The following SIGMAR1 variants were observed in gnomAD, a reference collection of about 807,000 sequenced individuals.
SIGMAR1 encodes sigma non-opioid intracellular receptor 1.
Under a neutral mutation model 25.4 loss-of-function variants are expected in SIGMAR1, and 18 were observed. That is an observed-to-expected ratio of 0.71 (90% CI 0.49 to 1.05). The LOEUF (loss-of-function observed/expected upper bound fraction) is 1.05, where lower values mean the gene tolerates loss of function less well. Among genes scored for constraint, SIGMAR1 ranks in the 50% least tolerant of loss-of-function variants. The pLI is 0.00. For missense variants in SIGMAR1, 249 were observed against 301.6 expected (o/e 0.83, Z 1.29); for synonymous variants, 125 against 131.6 (o/e 0.95, Z 0.34).
rs1301031067 is a variant in SIGMAR1, at chr9:34,635,638, G to T, written c.666C>A (p.Asp222Glu). 1.9e-6 allele frequency: 3 copies of T among 1,614,184 alleles called. No homozygotes were observed. Among genetic ancestry groups the T allele is most frequent in the Non-Finnish European group, 8.5e-7 (1 of 1,179,994 alleles). The change falls in exon 4 of 4, where the codon GAC becomes GAA. Residue 222 changes from aspartate to glutamate, a missense_variant. Asp to Glu is a conservative substitution (Grantham distance 45, BLOSUM62 2). Transcript: ENST00000277010. The surrounding 1 kb of genome is among the most constrained non-coding windows in gnomAD (Gnocchi z 4.5). ...LELTTYLFGQ[D>E]P ...TTCCTTCAGGCCTGGCTGGTCAAGG[G>T]TCCTGGCCAAAGAGGTAGGTGGTGA... is the stretch of plus-strand genomic sequence containing the variant.
chr9:34,636,751 G>C (rs954726334), intron 3 of SIGMAR1: 1 of 584,524 alleles, frequency 1.7e-6, no homozygotes, highest in Admixed American at 2.9e-5. Flanking sequence ...GCAAAATTGT[G>C]CCTGGGCAGA....
Position 34,635,906 on chromosome 9 carries a change from T to C in SIGMAR1, c.446-48A>G. 1 of 1,610,600 alleles carries C rather than the reference T, an allele frequency of 6.2e-7. No individual in the cohort carries two copies. The highest frequency in any genetic ancestry group is 1.3e-5 in the African/African-American group (1 of 74,948). ...GTGAAAAGCCAGCTCTGCCCTGCCC[T>C]TCCATGGCTGCTGCTTCCCTGGCCC... On this transcript the variant is annotated intron_variant, in intron 3 of 3. Transcript: ENST00000277010. The surrounding 1 kb of genome is among the most constrained non-coding windows in gnomAD (Gnocchi z 4.5).
At chr9:34,637,146 C>A (rs1820897946) in intron 2 of SIGMAR1, 57 bp from the exon 3 acceptor site, 57 of 1,605,350 alleles carry the variant, frequency 3.6e-5, no homozygotes, top group Non-Finnish European at 4.8e-5. Flanking sequence ...CATGGCCCAG[C>A]CAAACATCAG....
At chr9:34,636,313 A>G (rs1240417158) in intron 3 of SIGMAR1, among the ~76,000 whole-genome samples, 3 of 115,392 alleles carry the variant, frequency 2.6e-5, no homozygotes, top group African/African-American at 1.1e-4. Context: ...AAATTGTTTC[A>G]CTATTAAAAA....
In SIGMAR1 at chr9:34,637,274, G is replaced by C. The variant is rs1278952640; in HGVS notation, c.298C>G (p.Leu100Val). ...MGAMCLLHAS[L>V]SEYVLLFGTA... The stretch of plus-strand genomic sequence containing the variant: ...CCGAAGAGCAGCACATACTCGGACA[G>C]CGAGGCGTGCAGAAGGCACATGGCG... Residue 100 changes from leucine to valine, a missense_variant, in exon 2 of 4, where the codon CTG becomes GTG. By Grantham distance (32) the Leu-to-Val change is conservative. Transcript: ENST00000277010. 12 of 1,576,064 alleles carry C rather than the reference G, an allele frequency of 7.6e-6. No homozygotes were observed. The highest frequency in any genetic ancestry group is 9.4e-6 in the Non-Finnish European group (11 of 1,165,298).
At position 34,635,396 on chromosome 9, in the gene SIGMAR1, T is replaced by C. The variant is rs1185007219; in HGVS notation, c.*236A>G. 3.4e-6 allele frequency: 2 copies of C among 589,484 alleles called. No individual in the cohort carries two copies. The highest frequency in any genetic ancestry group is 6.0e-6 in the Non-Finnish European group (2 of 335,756). 36.5% of individuals were successfully genotyped at this position (589,484 alleles called of 1,614,324 possible). On this transcript the variant is annotated 3_prime_UTR_variant, in exon 4 of 4. Coordinates refer to ENST00000277010, the MANE Select transcript of SIGMAR1 (RefSeq NM_005866.4). The surrounding 1 kb of genome is among the most constrained non-coding windows in gnomAD (Gnocchi z 4.5). ...GTATACCGGGGGCTCCCTCTCCAGA[T>C]GGGTGTGAGTGCATGGTCCTACTGT...
chr9:34,637,299 G>A lies in SIGMAR1; in HGVS notation c.273C>T (p.Gly91=). Residue 91 remains glycine, a synonymous_variant, in exon 2 of 4, where the codon GGC becomes GGT. Coordinates refer to ENST00000277010, the MANE Select transcript of SIGMAR1 (RefSeq NM_005866.4). ...WVFVNAGGWM[G]AMCLLHASLS... is the part of the protein sequence containing the mutation. Reference sequence around the variant, plus strand: ...GCGAGGCGTGCAGAAGGCACATGGCGCCCATCCAGCCACCCGCATTCACGA... The same window carrying A: ...GCGAGGCGTGCAGAAGGCACATGGCACCCATCCAGCCACCCGCATTCACGA... The A allele has an allele frequency of 6.3e-7, 1 of 1,591,910 alleles. No homozygotes were observed.
At position 34,637,647 on chromosome 9, in the gene SIGMAR1, A is replaced by C. The variant is rs2132330741; in HGVS notation, c.51T>G (p.Ala17=). The C allele has an allele frequency of 1.3e-6, 2 of 1,536,290 alleles. No individual in the cohort carries two copies. The highest frequency in any genetic ancestry group is 1.7e-6 in the Non-Finnish European group (2 of 1,146,270). ...RRWAWAALLL[A]VAAVLTQVVW... ...CGACCTGGGTCAGCACCGCTGCGAC[A>C]GCCAGGAGCAGCGCGGCCCACGCCC... Residue 17 remains alanine, a synonymous_variant, in exon 1 of 4, where the codon GCT becomes GCG. Transcript: ENST00000277010.
chr9:34,636,485 A>T (rs1457332196), intron 3 of SIGMAR1, among the ~76,000 whole-genome samples: 6 of 152,068 alleles, frequency 3.9e-5, no homozygotes, highest in Non-Finnish European at 8.8e-5. Flanking sequence ...TACAAAAAAA[A>T]TTAGCCGGGC....
chr9:34,635,661 T>C lies in SIGMAR1; in HGVS notation c.643A>G (p.Thr215Ala). ...SYARGLRLELTTYLFGQDP is the reference protein window; with the variant it reads ...SYARGLRLELATYLFGQDP ...GGGTCCTGGCCAAAGAGGTAGGTGG[T>C]GAGCTCAAGCCGGAGGCCCCGAGCA... The change falls in exon 4 of 4, where the codon ACC becomes GCC. Residue 215 changes from threonine (T) to alanine (A), a missense_variant. By Grantham distance (58) the Thr-to-Ala change is moderately conservative. Coordinates refer to ENST00000277010, the MANE Select transcript of SIGMAR1 (RefSeq NM_005866.4). The surrounding 1 kb of genome is among the most constrained non-coding windows in gnomAD (Gnocchi z 4.5). The C allele has an allele frequency of 6.2e-7, 1 of 1,614,154 alleles. No homozygotes were observed. The highest frequency in any genetic ancestry group is 1.3e-5 in the African/African-American group (1 of 75,060).
At position 34,637,176 on chromosome 9, in the gene SIGMAR1, T is replaced by C. The variant is rs376413556; in HGVS notation, c.352+44A>G. ...CATCAGAAAGGAGGGCATGGGCCCC[T>C]TTACAACCCCAGCCTCCCAGTCTGG... On this transcript the variant is annotated intron_variant, in intron 2 of 3. Coordinates refer to ENST00000277010, the MANE Select transcript of SIGMAR1 (RefSeq NM_005866.4). The C allele has an allele frequency of 2.5e-4, 392 of 1,566,374 alleles. 1 individual carries two copies. In the African/African-American group the frequency reaches 4.8e-3, roughly 19 times the overall value.
In SIGMAR1 at chr9:34,635,781, G is replaced by T. The variant is rs780073328; in HGVS notation, c.523C>A (p.Arg175=). The change falls in exon 4 of 4, where the codon CGG becomes AGG. Residue 175 remains arginine, a synonymous_variant. Coordinates refer to ENST00000277010, the MANE Select transcript of SIGMAR1 (RefSeq NM_005866.4). The surrounding 1 kb of genome is among the most constrained non-coding windows in gnomAD (Gnocchi z 4.5). ...GPNTWMVEYG[R]GVIPSTLAFA... ...GCCAGGGTGGATGGGATGACGCCCCGGCCGTACTCCACCATCCATGTGTTT... is the reference window on the plus strand; with the variant it reads ...GCCAGGGTGGATGGGATGACGCCCCTGCCGTACTCCACCATCCATGTGTTT... 6.2e-7 allele frequency: 1 copy of T among 1,614,058 alleles called. No homozygotes were observed. The highest frequency in any genetic ancestry group is 1.7e-5 in the Admixed American group (1 of 60,002).
chr9:34,635,734 GAC>G lies in SIGMAR1; in HGVS notation c.568_569del (p.Val190LeufsTer23). On this transcript the variant is annotated frameshift_variant, in exon 4 of 4. Transcript: ENST00000277010. LOFTEE classifies it high-confidence loss of function. The surrounding 1 kb of genome is among the most constrained non-coding windows in gnomAD (Gnocchi z 4.5). ...GGGTGAGGAAGTCCTGGGTGCTGAA[GAC>G]AGTGTCGGCCAGCGCGAAGGCCAGG... is the stretch of plus-strand genomic sequence containing the variant. The part of the protein sequence containing the change: ...STLAFALADT[V>X]FSTQDFLTLF... 1 of 1,614,246 alleles carries G rather than the reference GAC, an allele frequency of 6.2e-7. No homozygotes were observed. The highest frequency in any genetic ancestry group is 8.5e-7 in the Non-Finnish European group (1 of 1,180,036).
rs1820891858 is a variant in SIGMAR1 at position 34,637,032 on chromosome 9, C to G, written c.410G>C (p.Arg137Thr). ...GACCTCACTTTTGGTGGTGCCCTCT[C>G]TCCACTGGTGGAAGGTGCCAGAGAT... ...TIISGTFHQW[R>T]EGTTKSEVFY... Residue 137 changes from arginine to threonine, a missense_variant, in exon 3 of 4, where the codon AGA (arginine) becomes ACA (threonine). By Grantham distance (71) the Arg-to-Thr change is moderately conservative. Coordinates refer to ENST00000277010, the MANE Select transcript of SIGMAR1 (RefSeq NM_005866.4). The G allele has an allele frequency of 1.2e-6, 2 of 1,614,082 alleles. No homozygotes were observed. Among genetic ancestry groups the G allele is most frequent in the Non-Finnish European group, 8.5e-7 (1 of 1,180,052 alleles).
At chr9:34,636,583 C>T (rs1820872489) in intron 3 of SIGMAR1, among the ~76,000 whole-genome samples, 1 of 152,106 alleles carries the variant, frequency 6.6e-6, no homozygotes, top group Non-Finnish European at 1.5e-5. Context: ...TGCAGTGAGC[C>T]GAGATCGCGC....
rs1429721704 is a variant in SIGMAR1, at chr9:34,635,992, C to T, written c.446-134G>A. On this transcript the variant is annotated intron_variant, in intron 3 of 3. Transcript: ENST00000277010. This position sits in a 1 kb window ranked among gnomAD's most constrained non-coding sequence, Gnocchi z 4.5. ...TTCAGAAAAACAAAAAGCCCTACCT[C>T]ACTGGGCTGGCCCAGATGGCCACTC... 5.3e-6 allele frequency: 7 copies of T among 1,326,012 alleles called. No individual in the cohort carries two copies. The highest frequency in any genetic ancestry group is 1.5e-5 in the African/African-American group (1 of 68,212). The allele number at this position is 1,326,012 out of a possible 1,614,324, so 82.1% of individuals were successfully genotyped here. A position where few individuals can be genotyped will look rare whatever the true frequency, so the allele number is the denominator to read the frequency against.
chr9:34,637,460 C>T (rs1161437839), intron 1 of SIGMAR1, 40 bp from the exon 2 acceptor site: 3 of 1,589,368 alleles, frequency 1.9e-6, no homozygotes, highest in South Asian at 1.1e-5. Context: ...GGGCTGGCAC[C>T]GGTCCTAGGT....
chr9:34,635,926 T>C lies in SIGMAR1; in HGVS notation c.446-68A>G. On this transcript the variant is annotated intron_variant, in intron 3 of 3. Coordinates refer to ENST00000277010, the MANE Select transcript of SIGMAR1 (RefSeq NM_005866.4). The surrounding 1 kb of genome is among the most constrained non-coding windows in gnomAD (Gnocchi z 4.5). ...TGCCCTTCCATGGCTGCTGCTTCCC[T>C]GGCCCATGGACTAACTAGGGGTGGG... 3.1e-6 allele frequency: 5 copies of C among 1,603,208 alleles called. No homozygotes were observed. The highest frequency in any genetic ancestry group is 4.2e-6 in the Non-Finnish European group (5 of 1,176,960).
At position 34,637,627 on chromosome 9, in the gene SIGMAR1, T is replaced by TGGGTCAGCACCGCTGCGACAGCCA; in HGVS notation, c.47_70dup (p.Leu16_Thr23dup). On this transcript the variant is annotated inframe_insertion, in exon 1 of 4. Transcript: ENST00000277010. ...CGTACCCAGCCAGAGCCAGACGACC[T>TGGGTCAGCACCGCTGCGACAGCCA]GGGTCAGCACCGCTGCGACAGCCAG... is the stretch of plus-strand genomic sequence containing the variant. 1 of 1,543,110 alleles carries TGGGTCAGCACCGCTGCGACAGCCA rather than the reference T, an allele frequency of 6.5e-7. No homozygotes were observed. The highest frequency in any genetic ancestry group is 8.7e-7 in the Non-Finnish European group (1 of 1,149,372).
Sources: allele counts gnomAD v4.1 joint callset (sites outside exome capture counted in the v4.1 genomes callset), GRCh38; gene constraint gnomAD v4.1.1; non-coding constraint Gnocchi (gnomAD v3.1); transcripts MANE v1.5; gene names NCBI Gene and HGNC (gene_info 2026-07-23, HGNC 2026-07-21).